The following TAF2 variants were observed in gnomAD, a reference collection of about 807,000 sequenced individuals.
TAF2 encodes transcription initiation factor TFIID subunit 2.
In TAF2, 61 loss-of-function variants were observed where a neutral mutation model predicts 138.5. The observed-to-expected ratio is 0.44, with a 90% confidence interval of 0.36 to 0.54. The LOEUF (loss-of-function observed/expected upper bound fraction) is 0.54, where lower values mean the gene tolerates loss of function less well. TAF2 is among the 20% of genes least tolerant of loss of function. The pLI is 0.00. For synonymous variants in TAF2, 475 were observed against 469.9 expected (o/e 1.01, Z -0.14); for missense variants, 1,090 against 1,427.9 (o/e 0.76, Z 3.81).
intron 21 of TAF2, among the ~76,000 whole-genome samples, 177 bp downstream of exon 21, chr8:119,757,895 CA>C (rs375155977): frequency 6.4e-5 from 9 of 140,268 alleles, no homozygotes; most frequent in Non-Finnish European, 1.1e-4. Flanking sequence ...GACTCCATCT[CA>C]AAAAAAAAAC....
rs555923228 is a variant in TAF2 at position 119,758,035 on chromosome 8, C to T, written c.2768+38G>A. ...TGAAATTACTCAGTTCACTATAGGA[C>T]TTACAAAATATCATAGCATCATAGC... On this transcript the variant is annotated intron_variant, in intron 21 of 25. Transcript: ENST00000378164. The T allele has an allele frequency of 1.7e-5, 27 of 1,555,704 alleles. No homozygotes were observed. In the South Asian group the frequency reaches 2.6e-4, roughly 15 times the overall value.
intron 5 of TAF2, 80 bp downstream of exon 5, chr8:119,803,798 T>C (rs1824430314): frequency 7.5e-7 from 1 of 1,337,418 alleles, no homozygotes; most frequent in Non-Finnish European, 1.0e-6. Flanking sequence ...TTTCTTGTTT[T>C]ACACCAAATG....
At chr8:119,753,524 G>T (rs957463168) in intron 22 of TAF2, among the ~76,000 whole-genome samples, 1 of 152,030 alleles carries the variant, frequency 6.6e-6, no homozygotes, top group Admixed American at 6.6e-5. Context: ...TTATAAATCT[G>T]AAAAACTAAG....
chr8:119,738,465 G>A (rs900646805), intron 25 of TAF2, among the ~76,000 whole-genome samples: 2 of 152,126 alleles, frequency 1.3e-5, no homozygotes, highest in African/African-American at 4.8e-5. Context: ...GCTAATAAAA[G>A]TCCTTTTAGT....
chr8:119,746,422 A>C (rs1038988930), intron 23 of TAF2, among the ~76,000 whole-genome samples: 1 of 148,838 alleles, frequency 6.7e-6, no homozygotes, highest in African/African-American at 2.5e-5. Flanking sequence ...ATCTTTTGCT[A>C]CTCAGAGAAG....
intron 2 of TAF2, among the ~76,000 whole-genome samples, chr8:119,827,028 T>C (rs1826146670): frequency 6.6e-6 from 1 of 152,094 alleles, no homozygotes; most frequent in African/African-American, 2.4e-5. Context: ...ACTCCGTCTC[T>C]ACAAAAAATA....
In TAF2 at chr8:119,776,119, A is replaced by G. The variant is rs201574575; in HGVS notation, c.2364+1900T>C. ...AACTAAAAGATAACCTTGGACTCCT[A>G]TGTCCCTAATATGCCTTATTCTGGG... On this transcript the variant is annotated intron_variant, in intron 18 of 25. Coordinates refer to ENST00000378164, the MANE Select transcript of TAF2 (RefSeq NM_003184.4). Among the ~76,000 whole-genome samples the G allele has an allele frequency of 5.3e-5, 8 of 152,298 alleles. No homozygotes were observed. The East Asian group carries it at 1.5e-3, about 29-fold the overall frequency.
chr8:119,731,835 C>G lies in TAF2; in HGVS notation c.*89G>C. 7.6e-7 allele frequency: 1 copy of G among 1,310,018 alleles called. No homozygotes were observed. The highest frequency in any genetic ancestry group is 1.2e-5 in the South Asian group (1 of 83,664). The allele number at this position is 1,310,018 out of a possible 1,614,324, so 81.1% of individuals were successfully genotyped here. On this transcript the variant is annotated 3_prime_UTR_variant, in exon 26 of 26. Coordinates refer to ENST00000378164, the MANE Select transcript of TAF2 (RefSeq NM_003184.4). The stretch of plus-strand genomic sequence containing the variant: ...CTGTAGGAGAGGCGAATCCTTTCCC[C>G]CCTCCCTTTTATAATTCTTCACAGA...
chr8:119,789,830 T>C (rs1823292350), intron 11 of TAF2, 84 bp from the exon 12 acceptor site: 1 of 1,308,716 alleles, frequency 7.6e-7, no homozygotes, highest in Non-Finnish European at 1.1e-6. Context: ...TATAACTTTA[T>C]TGTAGTCAAT....
chr8:119,828,749 A>G (rs1345364637), intron 2 of TAF2, among the ~76,000 whole-genome samples: 1 of 152,214 alleles, frequency 6.6e-6, no homozygotes, highest in Non-Finnish European at 1.5e-5. Context: ...AAAAGACACT[A>G]GAGGTAGCTA....
intron 4 of TAF2, 129 bp from the exon 5 acceptor site, chr8:119,804,148 T>A: frequency 9.3e-7 from 1 of 1,076,860 alleles, no homozygotes; most frequent in Non-Finnish European, 1.4e-6. Context: ...CCACACTACT[T>A]ACCCTAGTTT....
intron 4 of TAF2, among the ~76,000 whole-genome samples, chr8:119,805,458 C>A (rs948542576): frequency 6.6e-6 from 1 of 152,140 alleles, no homozygotes. Context: ...GTAATCCCAG[C>A]ACTTTGGGAG....
intron 25 of TAF2, among the ~76,000 whole-genome samples, chr8:119,737,790 G>A (rs1215001433): frequency 2.0e-5 from 3 of 151,920 alleles, no homozygotes; most frequent in African/African-American, 4.8e-5. Context: ...TTACAGGCGT[G>A]AGCCACCGTG....
chr8:119,756,185 T>C (rs1820691411), intron 21 of TAF2, 70 bp from the exon 22 acceptor site: 7 of 1,053,410 alleles, frequency 6.6e-6, no homozygotes, highest in Non-Finnish European at 7.3e-6. Context: ...GGAGACAACA[T>C]AAACACTGAA....
intron 2 of TAF2, among the ~76,000 whole-genome samples, chr8:119,825,621 A>T (rs769952944): frequency 7.9e-5 from 12 of 152,130 alleles, no homozygotes; most frequent in African/African-American, 2.4e-4. Context: ...TAACTGAATC[A>T]TGGGGGCAAG....
intron 17 of TAF2, 91 bp downstream of exon 17, chr8:119,780,962 C>T: frequency 8.4e-7 from 1 of 1,191,842 alleles, no homozygotes; most frequent in Non-Finnish European, 1.2e-6. Flanking sequence ...AGAATGGAGG[C>T]AAAGAAAGTA....
intron 2 of TAF2, among the ~76,000 whole-genome samples, chr8:119,824,137 A>C (rs1403564671): frequency 6.6e-6 from 1 of 152,124 alleles, no homozygotes; most frequent in Non-Finnish European, 1.5e-5. Flanking sequence ...CAATGATAGA[A>C]AAGAAAATCC....
chr8:119,749,893 AT>A (rs1820231914), intron 22 of TAF2, among the ~76,000 whole-genome samples: 1 of 152,182 alleles, frequency 6.6e-6, no homozygotes, highest in Non-Finnish European at 1.5e-5. Flanking sequence ...ATTGCTATTC[AT>A]CCTGTCTTCA....
chr8:119,742,135 T>C (rs919729975), intron 25 of TAF2, among the ~76,000 whole-genome samples: 6 of 152,210 alleles, frequency 3.9e-5, no homozygotes, highest in Non-Finnish European at 8.8e-5. Flanking sequence ...GTTTATATCT[T>C]TTTTATAAAG....
Sources: allele counts gnomAD v4.1 joint callset (sites outside exome capture counted in the v4.1 genomes callset), GRCh38; gene constraint gnomAD v4.1.1; transcripts MANE v1.5; gene names NCBI Gene and HGNC (gene_info 2026-07-23, HGNC 2026-07-21).